The following B4GALNT2 variants were observed in gnomAD, a reference collection of about 807,000 sequenced individuals.
B4GALNT2 encodes the protein N-acetylneuraminylgalactosylglucosyl-glucoside beta-1,4-N- acetylgalactosaminyltransferase 2.
In B4GALNT2, 42 loss-of-function variants were observed where a neutral mutation model predicts 51.1. That is an observed-to-expected ratio of 0.82 (90% CI 0.64 to 1.06). B4GALNT2 has a LOEUF of 1.06. Ranked by LOEUF, B4GALNT2 falls within the 50% of genes least tolerant of loss-of-function variation. The probability of loss-of-function intolerance (pLI) is 0.00; values close to 1 mark genes in which losing one functional copy is unlikely to be tolerated. For missense variants in B4GALNT2, 602 were observed against 633.6 expected, an observed-to-expected ratio of 0.95 and a Z score of 0.54; for synonymous variants, 253 against 251.7, an observed-to-expected ratio of 1.01 and a Z score of -0.05.
At chr17:49,122,049 T>C in the B4GALNT2 span, among the ~76,000 whole-genome samples, 6 of 152,110 alleles carry the variant, frequency 3.9e-5, no homozygotes, top group Non-Finnish European at 7.4e-5. Flanking sequence ...TGTTTCTGTG[T>C]GTGGGGGAGA....
Position 49,171,161 on chromosome 17 carries a change from C to G in B4GALNT2, c.*1433C>G, listed in dbSNP as rs1160807949. The G allele has an allele frequency of 4.4e-6, 1 of 228,812 alleles. No homozygotes were observed. Among genetic ancestry groups the G allele is most frequent in the African/African-American group, 2.4e-5 (1 of 42,128 alleles). 14.2% of individuals were successfully genotyped at this position (228,812 alleles called of 1,614,324 possible). Reference sequence around the variant, plus strand: ...GGGGGCCTGTTCCCAACACGTTCCCCTTTTTGTTTTCCAAAGTGATAAAAG... The same window carrying G: ...GGGGGCCTGTTCCCAACACGTTCCCGTTTTTGTTTTCCAAAGTGATAAAAG... On this transcript the variant is annotated 3_prime_UTR_variant, in exon 11 of 11. Transcript: ENST00000393354.
chr17:49,160,490 G>T (rs2042853118), intron 6 of B4GALNT2, 65 bp from the exon 7 acceptor site: 1 of 1,484,170 alleles, frequency 6.7e-7, no homozygotes, highest in South Asian at 1.1e-5. Flanking sequence ...GTGGCTTCCC[G>T]GGGTGGCATG....
chr17:49,144,462 G>C (rs545652336), intron 3 of B4GALNT2, among the ~76,000 whole-genome samples: 1 of 152,214 alleles, frequency 6.6e-6, no homozygotes, highest in Non-Finnish European at 1.5e-5. Flanking sequence ...GGTGCACCTA[G>C]CTATGTGAGG....
At chr17:49,154,901 G>A (rs2042793487) in intron 4 of B4GALNT2, among the ~76,000 whole-genome samples, 1 of 152,198 alleles carries the variant, frequency 6.6e-6, no homozygotes, top group African/African-American at 2.4e-5. Context: ...GTCCTACTAT[G>A]AGAACAGAGA....
At chr17:49,131,727 T>C (rs1166960334), upstream of B4GALNT2, among the ~76,000 whole-genome samples, 2 of 152,090 alleles carry the variant, frequency 1.3e-5, no homozygotes, top group Admixed American at 1.3e-4. Context: ...CCCAGGCTGG[T>C]CTCAAACTCC....
chr17:49,164,947 G>A (rs2042897797), intron 8 of B4GALNT2, among the ~76,000 whole-genome samples: 1 of 151,966 alleles, frequency 6.6e-6, no homozygotes, highest in Non-Finnish European at 1.5e-5. Flanking sequence ...TAGTAGCTGG[G>A]ACTACAGGCA....
the B4GALNT2 span, among the ~76,000 whole-genome samples, chr17:49,124,915 C>A: frequency 6.6e-6 from 1 of 152,218 alleles, no homozygotes; most frequent in African/African-American, 2.4e-5. Flanking sequence ...AATATGTTTA[C>A]ACACAGAATT....
In B4GALNT2 at chr17:49,139,905, CT is replaced by C. The variant is rs796809426; in HGVS notation, c.15-1330del. 4.0e-3 allele frequency among the ~76,000 whole-genome samples: 576 copies of C among 144,482 alleles called. 2 individuals carry two copies. Among genetic ancestry groups the C allele is most frequent in the African/African-American group, 9.8e-3 (389 of 39,744 alleles). The allele number at this position is 144,482 out of a possible 152,430, so 94.8% of individuals were successfully genotyped here. ...TCTTTGTGTCCTAATACGTGGCCAA[CT>C]TTTTTTTTTTTGAGACAGAGTCTCA... On this transcript the variant is annotated intron_variant, in intron 1 of 10. Transcript: ENST00000393354.
intron 6 of B4GALNT2, among the ~76,000 whole-genome samples, 190 bp downstream of exon 6, chr17:49,159,407 T>C (rs1013364401): frequency 1.3e-5 from 2 of 152,228 alleles, no homozygotes; most frequent in Non-Finnish European, 1.5e-5. Flanking sequence ...AGTTCTGTGA[T>C]CTCTGCTCAC....
At chr17:49,126,956 G>C in the B4GALNT2 span, among the ~76,000 whole-genome samples, 4 of 152,256 alleles carry the variant, frequency 2.6e-5, no homozygotes, top group African/African-American at 9.6e-5. Context: ...CACCCGCCTT[G>C]GCCTCCCAAA....
At chr17:49,126,515 A>AAAAC in the B4GALNT2 span, among the ~76,000 whole-genome samples, 1 of 149,846 alleles carries the variant, frequency 6.7e-6, no homozygotes, top group Non-Finnish European at 1.5e-5. Flanking sequence ...AAAAAAAACA[A>AAAAC]ACTCCGTGTG....
intron 8 of B4GALNT2, among the ~76,000 whole-genome samples, chr17:49,165,602 TTCTC>T (rs1489745160): frequency 3.2e-5 from 3 of 94,292 alleles, no homozygotes; most frequent in Admixed American, 1.0e-4. Context: ...CACTCTCTCT[TTCTC>T]TCTCCCTCTC....
upstream of B4GALNT2, among the ~76,000 whole-genome samples, chr17:49,130,467 C>T (rs561865011): frequency 2.5e-4 from 38 of 152,124 alleles, no homozygotes; most frequent in East Asian, 7.2e-3. Context: ...GTGAAACCCT[C>T]GTCTCTACTA....
rs190784438 is a variant in B4GALNT2, at chr17:49,151,574, C to T, written c.354-1226C>T. Among the ~76,000 whole-genome samples the T allele has an allele frequency of 5.9e-5, 9 of 151,902 alleles. No individual in the cohort carries two copies. In the East Asian group the frequency reaches 1.4e-3, roughly 23 times the overall value. Reference sequence around the variant, plus strand: ...CATCCTGGCCAACATGGTGAAACCCCGTCTCTACTAAAAATACAAAAATTA... The same window carrying T: ...CATCCTGGCCAACATGGTGAAACCCTGTCTCTACTAAAAATACAAAAATTA... On this transcript the variant is annotated intron_variant, in intron 3 of 10. Coordinates refer to ENST00000393354, the MANE Select transcript of B4GALNT2 (RefSeq NM_001159387.2).
At chr17:49,133,523 T>C (rs2042560499) in intron 1 of B4GALNT2, among the ~76,000 whole-genome samples, 2 of 152,346 alleles carry the variant, frequency 1.3e-5, no homozygotes, top group South Asian at 2.1e-4. Flanking sequence ...GTTTGTATTT[T>C]CCAAAACTCT....
At chr17:49,153,396 C>A (rs913826869) in intron 4 of B4GALNT2, among the ~76,000 whole-genome samples, 1 of 152,044 alleles carries the variant, frequency 6.6e-6, no homozygotes, top group African/African-American at 2.4e-5. Context: ...GCCTGGGTGA[C>A]AAAGTGAGAT....
In B4GALNT2 at chr17:49,171,473, A is replaced by G. The variant is rs2042957151; in HGVS notation, c.*1745A>G. Reference sequence around the variant, plus strand: ...ACAAGTTTGTAGAGTGTCCTTCTAGATGCTTTTTTATTCTTTCCCAAATTT... The same window carrying G: ...ACAAGTTTGTAGAGTGTCCTTCTAGGTGCTTTTTTATTCTTTCCCAAATTT... On this transcript the variant is annotated 3_prime_UTR_variant, in exon 11 of 11. Transcript: ENST00000393354. The G allele has an allele frequency of 2.5e-6, 1 of 395,874 alleles. No homozygotes were observed. The highest frequency in any genetic ancestry group is 3.6e-5 in the Admixed American group (1 of 27,916). 24.5% of individuals were successfully genotyped at this position (395,874 alleles called of 1,614,324 possible). A position where few individuals can be genotyped will look rare whatever the true frequency, so the allele number is the denominator to read the frequency against.
chr17:49,146,038 A>C (rs1313897633), intron 3 of B4GALNT2, among the ~76,000 whole-genome samples: 1 of 152,160 alleles, frequency 6.6e-6, no homozygotes, highest in Non-Finnish European at 1.5e-5. Flanking sequence ...ACTAGGGGTG[A>C]TGGTGAGTAG....
At chr17:49,141,187 A>G in intron 1 of B4GALNT2, 60 bp from the exon 2 acceptor site, 3 of 1,489,758 alleles carry the variant, frequency 2.0e-6, no homozygotes, top group Admixed American at 1.7e-5. Flanking sequence ...TCAGTCTCAT[A>G]TACATTACAT....
Sources: allele counts gnomAD v4.1 joint callset (sites outside exome capture counted in the v4.1 genomes callset), GRCh38; gene constraint gnomAD v4.1.1; transcripts MANE v1.5; gene names NCBI Gene and HGNC (gene_info 2026-07-23, HGNC 2026-07-21).